PFKFB3: variants seen among roughly 807,000 people sequenced by gnomAD.
PFKFB3 encodes 6-phosphofructo-2-kinase/fructose-2,6-bisphosphatase 3.
A neutral mutation model predicts 68.0 loss-of-function variants in PFKFB3; 33 were observed. The observed-to-expected ratio is 0.49, with a 90% CI of 0.37 to 0.65. The LOEUF is 0.65. Ranked by LOEUF, PFKFB3 falls within the 30% of genes least tolerant of loss-of-function variation. The pLI is 0.00. For missense variants in PFKFB3, 586 were observed against 712.2 expected (o/e 0.82, Z 2.02); for synonymous variants, 315 against 288.2 (o/e 1.09, Z -0.94).
intron 1 of PFKFB3, among the ~76,000 whole-genome samples, chr10:6,161,637 TAG>T (rs71390193): frequency 0.02 from 3,017 of 149,618 alleles, 44 homozygotes; most frequent in South Asian, 0.06. Context: ...TATATATATA[TAG>T]AGAGAGAGAG....
intron 1 of PFKFB3, among the ~76,000 whole-genome samples, chr10:6,210,364 G>GTTTTTTTTT (rs1375867755): frequency 3.4e-5 from 2 of 58,654 alleles, no homozygotes; most frequent in African/African-American, 4.1e-5. Context: ...TTGTTTTTTT[G>GTTTTTTTTT]TTTTTTTTTT....
chr10:6,158,719 C>T (rs139864510), intron 1 of PFKFB3, among the ~76,000 whole-genome samples: 1,635 of 151,976 alleles, frequency 0.011, 65 homozygotes, highest in East Asian at 0.099. Context: ...TACAAAAAGT[C>T]AGCCAGGCAT....
chr10:6,288,640 T>C, the PFKFB3 span, among the ~76,000 whole-genome samples: 2 of 151,748 alleles, frequency 1.3e-5, no homozygotes, highest in South Asian at 4.2e-4. Context: ...TCTTTGCTAT[T>C]GTGAATAGTG....
rs369419823 is a variant in PFKFB3, at chr10:6,228,825, G to A, written c.1515+2460G>A. Reference sequence around the variant, plus strand: ...GGAGCCTGCTCAGCGTCATAGTCACGCCCGGGGCTGGGTGCAGCCTCCATC... The same window carrying A: ...GGAGCCTGCTCAGCGTCATAGTCACACCCGGGGCTGGGTGCAGCCTCCATC... On this transcript the variant is annotated intron_variant, in intron 14 of 14. Transcript: ENST00000379775. The surrounding 1 kb of genome is among the most constrained non-coding windows in gnomAD (Gnocchi z 4.5). Among the ~76,000 whole-genome samples the A allele has an allele frequency of 2.6e-5, 4 of 152,112 alleles. No individual in the cohort carries two copies. The East Asian group carries it at 5.8e-4, about 22-fold the overall frequency.
chr10:6,240,910 C>CT (rs35946619), intron 14 of PFKFB3, among the ~76,000 whole-genome samples: 2,335 of 147,364 alleles, frequency 0.016, 65 homozygotes, highest in African/African-American at 0.051. Context: ...GTAGAATGTT[C>CT]TTTTTTTTTT....
chr10:6,261,492 C>T, the PFKFB3 span, among the ~76,000 whole-genome samples: 1 of 152,188 alleles, frequency 6.6e-6, no homozygotes, highest in Non-Finnish European at 1.5e-5. Context: ...AATGCATGGA[C>T]ACAAAGCAGG....
intron 14 of PFKFB3, among the ~76,000 whole-genome samples, chr10:6,246,269 C>A (rs1301870863): frequency 6.6e-6 from 1 of 152,112 alleles, no homozygotes; most frequent in African/African-American, 2.4e-5. Context: ...AATCCGGTAA[C>A]AATCACTTGA....
the PFKFB3 span, among the ~76,000 whole-genome samples, chr10:6,261,684 C>T: frequency 2.0e-5 from 3 of 151,838 alleles, no homozygotes; most frequent in Admixed American, 6.6e-5. Flanking sequence ...CATGGTAAAA[C>T]CCCATCTCTA....
the PFKFB3 span, among the ~76,000 whole-genome samples, chr10:6,267,118 T>G: frequency 1.3e-5 from 2 of 152,264 alleles, no homozygotes; most frequent in African/African-American, 4.8e-5. Flanking sequence ...CCTTATATTG[T>G]GCAGTGACAA....
chr10:6,164,340 C>T (rs375328543), intron 1 of PFKFB3, among the ~76,000 whole-genome samples: 21 of 152,246 alleles, frequency 1.4e-4, no homozygotes, highest in African/African-American at 3.6e-4. Flanking sequence ...ACAGGGCCTG[C>T]GGTGAATTTG....
chr10:6,206,548 A>ACCTC (rs1843716850), intron 1 of PFKFB3, among the ~76,000 whole-genome samples: 2 of 93,474 alleles, frequency 2.1e-5, no homozygotes, highest in Non-Finnish European at 4.1e-5. Context: ...GGCGCCCCTC[A>ACCTC]CCTCCCGGAC....
chr10:6,200,103 G>T (rs1386611246), upstream of PFKFB3, among the ~76,000 whole-genome samples: 2 of 152,098 alleles, frequency 1.3e-5, no homozygotes, highest in Non-Finnish European at 2.9e-5. Flanking sequence ...TCTCTGACCT[G>T]GTTCCTTGAC....
At chr10:6,191,955 A>C (rs546162199) in intron 1 of PFKFB3, among the ~76,000 whole-genome samples, 224 of 151,976 alleles carry the variant, frequency 1.5e-3, no homozygotes, top group African/African-American at 5.1e-3. Context: ...GTTTATGAAG[A>C]CCAAATTGGA....
chr10:6,163,850 A>G (rs1242451602), intron 1 of PFKFB3: 1 of 151,890 alleles, frequency 6.6e-6, no homozygotes, highest in Non-Finnish European at 1.5e-5. Flanking sequence ...GCGCGGCCCC[A>G]GCCTGCTCTG....
At chr10:6,216,219 G>T in intron 4 of PFKFB3, 28 bp downstream of exon 4, 1 of 1,603,724 alleles carries the variant, frequency 6.2e-7, no homozygotes, top group Non-Finnish European at 8.5e-7. Context: ...AGCCGGCTCG[G>T]TGTCCAGTCC....
chr10:6,153,669 C>T (rs996667634), intron 1 of PFKFB3, among the ~76,000 whole-genome samples: 5 of 152,136 alleles, frequency 3.3e-5, no homozygotes, highest in African/African-American at 1.2e-4. Context: ...GCCTGTACAA[C>T]ATGGTGAAAC....
downstream of PFKFB3, among the ~76,000 whole-genome samples, chr10:6,255,025 C>T (rs1452300060): frequency 6.6e-6 from 1 of 151,590 alleles, no homozygotes; most frequent in South Asian, 2.1e-4. Flanking sequence ...CCACATTGGC[C>T]AGGCTGGTCT....
intron 1 of PFKFB3, among the ~76,000 whole-genome samples, chr10:6,189,512 CTTT>C (rs3084089): frequency 0.04 from 4,798 of 121,146 alleles, 119 homozygotes; most frequent in Admixed American, 0.11. Context: ...GTGAGGTTCA[CTTT>C]TTTTTTTTTT....
At chr10:6,274,909 G>GAC in the PFKFB3 span, among the ~76,000 whole-genome samples, 97,986 of 151,966 alleles carry the variant, frequency 0.64, 34,212 homozygotes, top group Non-Finnish European at 0.8. Flanking sequence ...ACTGGTGACC[G>GAC]ACACAGAGGC....
Sources: gnomAD v4.1 joint callset for allele counts (sites outside exome capture counted in the v4.1 genomes callset) on GRCh38, gnomAD v4.1.1 for gene constraint, Gnocchi (gnomAD v3.1) non-coding constraint, MANE v1.5 for transcripts, NCBI Gene and HGNC (gene_info 2026-07-23, HGNC 2026-07-21) for gene names.